Variants in SYT14 observed in about 807,000 individuals in gnomAD.
The protein encoded by SYT14 is synaptotagmin-14.
Under a neutral mutation model 74.2 loss-of-function variants are expected in SYT14, and 32 were observed. The ratio of observed to expected loss-of-function variants is 0.43; its 90% confidence interval spans 0.33 to 0.58. The LOEUF (loss-of-function observed/expected upper bound fraction) is 0.58. SYT14 is among the 20% of genes least tolerant of loss of function. The pLI is 0.05. For synonymous variants in SYT14, 298 were observed against 337.7 expected (o/e 0.88, Z 1.29); for missense variants, 791 against 981.8 (o/e 0.81, Z 2.60).
intron 5 of SYT14, among the ~76,000 whole-genome samples, chr1:210,042,965 T>C (rs1339090039): frequency 6.6e-6 from 1 of 152,220 alleles, no homozygotes; most frequent in East Asian, 1.9e-4. Context: ...TTTCACGATA[T>C]TGATTCTTCC....
At chr1:210,098,364 CT>C (rs2082003195) in intron 6 of SYT14, among the ~76,000 whole-genome samples, 1 of 152,110 alleles carries the variant, frequency 6.6e-6, no homozygotes, top group Non-Finnish European at 1.5e-5. Flanking sequence ...ACTTAATTCT[CT>C]TTTGTTTAAC....
intron 2 of SYT14, among the ~76,000 whole-genome samples, chr1:209,955,500 C>T (rs1342216737): frequency 4.0e-5 from 6 of 151,674 alleles, no homozygotes; most frequent in African/African-American, 1.5e-4. Flanking sequence ...TCTTTTTTTT[C>T]ATCCTGCTGC....
At chr1:209,992,363 A>C (rs1446132352) in intron 2 of SYT14, among the ~76,000 whole-genome samples, 1 of 152,202 alleles carries the variant, frequency 6.6e-6, no homozygotes, top group Non-Finnish European at 1.5e-5. Flanking sequence ...AAAAAGAATG[A>C]AATCTTGTCT....
chr1:210,024,180 T>A (rs1240283117), intron 5 of SYT14, among the ~76,000 whole-genome samples: 2 of 152,202 alleles, frequency 1.3e-5, no homozygotes, highest in Non-Finnish European at 2.9e-5. Context: ...TTAATTTGTT[T>A]GCCAGTGAGA....
At chr1:210,119,846 C>A (rs894232080) in intron 7 of SYT14, among the ~76,000 whole-genome samples, 2 of 152,140 alleles carry the variant, frequency 1.3e-5, no homozygotes, top group African/African-American at 4.8e-5. Context: ...GTAGTGCCAG[C>A]TTACCTGGGT....
exon 10 of SYT14, chr1:210,166,917 GCTTC>G (rs2083461924): frequency 6.6e-6 from 1 of 151,926 alleles, no homozygotes; most frequent in South Asian, 2.1e-4. Context: ...TTTTTCTTGT[GCTTC>G]CTTAAAAAGG....
At chr1:210,113,355 T>C (rs2082300620) in intron 7 of SYT14, among the ~76,000 whole-genome samples, 1 of 151,060 alleles carries the variant, frequency 6.6e-6, no homozygotes, top group African/African-American at 2.5e-5. Context: ...GGAGAGTATA[T>C]GGGTTTGGCA....
exon 6 of SYT14, chr1:210,094,396 G>A (rs755449988): frequency 6.2e-7 from 1 of 1,613,894 alleles, no homozygotes; most frequent in South Asian, 1.1e-5. Context: ...GGATGACAGT[G>A]GTTCTCCCCA....
At chr1:210,122,582 G>T (rs562889145) in intron 7 of SYT14, among the ~76,000 whole-genome samples, 47 of 148,628 alleles carry the variant, frequency 3.2e-4, no homozygotes, top group Non-Finnish European at 6.1e-4. Context: ...TTTTTTTTAG[G>T]TTCCACATAT....
chr1:210,005,489 C>CA (rs2079973324), intron 2 of SYT14, among the ~76,000 whole-genome samples: 1 of 151,772 alleles, frequency 6.6e-6, no homozygotes, highest in Non-Finnish European at 1.5e-5. Context: ...AAGAAAGAAT[C>CA]ATTGAAAAAG....
exon 10 of SYT14, chr1:210,163,726 T>G: frequency 2.2e-6 from 1 of 452,924 alleles, no homozygotes; most frequent in Non-Finnish European, 4.4e-6. Flanking sequence ...TTGTCTGTTC[T>G]TTTAGAAAAG....
chr1:210,130,224 C>G (rs2082645930), intron 7 of SYT14, among the ~76,000 whole-genome samples: 2 of 152,008 alleles, frequency 1.3e-5, no homozygotes, highest in African/African-American at 4.8e-5. Flanking sequence ...TGGCTTCTTT[C>G]AAAATTTTAC....
intron 5 of SYT14, among the ~76,000 whole-genome samples, chr1:210,073,574 ATTAG>A (rs1283804089): frequency 6.6e-6 from 1 of 152,084 alleles, no homozygotes; most frequent in Non-Finnish European, 1.5e-5. Context: ...GTAAAAGCTA[ATTAG>A]TTCTCATTCT....
chr1:210,046,855 G>A (rs911153119), intron 5 of SYT14, among the ~76,000 whole-genome samples: 1 of 152,114 alleles, frequency 6.6e-6, no homozygotes, highest in African/African-American at 2.4e-5. Flanking sequence ...TTGCTTGTAA[G>A]TATTCTAAAA....
exon 4 of SYT14, chr1:210,016,151 A>G (rs960189267): frequency 4.1e-6 from 5 of 1,232,166 alleles, no homozygotes; most frequent in Non-Finnish European, 5.1e-6. Flanking sequence ...GGTAACAAGT[A>G]TGATGAGTGG....
At chr1:210,051,474 T>C (rs2080994883) in intron 5 of SYT14, among the ~76,000 whole-genome samples, 1 of 152,210 alleles carries the variant, frequency 6.6e-6, no homozygotes, top group Non-Finnish European at 1.5e-5. Context: ...TAAAAACATA[T>C]ACTCAGATAA....
intron 7 of SYT14, among the ~76,000 whole-genome samples, chr1:210,122,924 C>T (rs953151953): frequency 6.6e-6 from 1 of 152,174 alleles, no homozygotes; most frequent in Non-Finnish European, 1.5e-5. Context: ...TTCTCTTTTA[C>T]ATCTTACTTA....
exon 10 of SYT14, chr1:210,166,438 T>A (rs2083456322): frequency 6.6e-6 from 1 of 152,232 alleles, no homozygotes; most frequent in Non-Finnish European, 1.5e-5. Context: ...CGGTGGTGCA[T>A]GCCTGTGGTC....
chr1:209,982,814 G>C (rs2079509988), intron 2 of SYT14, among the ~76,000 whole-genome samples: 2 of 152,224 alleles, frequency 1.3e-5, no homozygotes, highest in Admixed American at 6.5e-5. Flanking sequence ...ATTTACGGCA[G>C]CCATTAATGA....
Sources: gnomAD v4.1 joint callset for allele counts (sites outside exome capture counted in the v4.1 genomes callset) on GRCh38, gnomAD v4.1.1 for gene constraint, MANE v1.5 for transcripts, NCBI Gene and HGNC (gene_info 2026-07-23, HGNC 2026-07-21) for gene names.